The following CSMD1 variants were observed in gnomAD, a reference collection of about 807,000 sequenced individuals.
The protein encoded by CSMD1 is CUB and Sushi multiple domains 1.
In CSMD1, 213 loss-of-function variants were observed where a neutral mutation model predicts 417.5. That is an observed-to-expected ratio of 0.51 (90% CI 0.46 to 0.57). CSMD1 has a LOEUF of 0.57. Among genes scored for constraint, CSMD1 ranks in the 20% least tolerant of loss-of-function variants. The pLI is 0.00. For synonymous variants in CSMD1, 2,862 were observed against 1,736.8 expected (o/e 1.65, Z -16.11); for missense variants, 6,923 against 4,529.7 (o/e 1.53, Z -15.17).
At chr8:4,828,451 A>G (rs78099608) in intron 1 of CSMD1, among the ~76,000 whole-genome samples, 3 of 152,128 alleles carry the variant, frequency 2.0e-5, no homozygotes, top group African/African-American at 7.2e-5. Flanking sequence ...ATCTTCTCTC[A>G]GCCAAATTCA....
intron 11 of CSMD1, among the ~76,000 whole-genome samples, chr8:3,493,006 G>C (rs145806379): frequency 3.9e-5 from 6 of 152,222 alleles, no homozygotes; most frequent in African/African-American, 1.4e-4. Flanking sequence ...TAAAAAAGAG[G>C]TGTTGGCTGG....
At chr8:4,967,663 G>T (rs376472157) in intron 1 of CSMD1, among the ~76,000 whole-genome samples, 1 of 152,134 alleles carries the variant, frequency 6.6e-6, no homozygotes, top group Non-Finnish European at 1.5e-5. Context: ...TGGTTCTAAT[G>T]AGCATGAATC....
chr8:3,403,547 C>T (rs575878900), intron 15 of CSMD1, among the ~76,000 whole-genome samples: 3 of 152,214 alleles, frequency 2.0e-5, no homozygotes, highest in Non-Finnish European at 2.9e-5. Flanking sequence ...TGCCTTTAAC[C>T]TCATCCTGTT....
intron 26 of CSMD1, among the ~76,000 whole-genome samples, chr8:3,247,233 G>A (rs554325123): frequency 3.9e-5 from 6 of 152,304 alleles, no homozygotes; most frequent in African/African-American, 1.4e-4. Context: ...CTTGACAAAT[G>A]TACATTCACA....
At chr8:4,326,458 T>C (rs750600807) in intron 3 of CSMD1, among the ~76,000 whole-genome samples, 2 of 152,104 alleles carry the variant, frequency 1.3e-5, no homozygotes, top group Non-Finnish European at 2.9e-5. Context: ...AAAGAATGCA[T>C]ATATGCTTGA....
intron 3 of CSMD1, among the ~76,000 whole-genome samples, chr8:4,326,652 C>T (rs575875990): frequency 2.6e-5 from 4 of 152,102 alleles, no homozygotes; most frequent in African/African-American, 9.7e-5. Context: ...ATCTACCCAA[C>T]GTTTCCTCAA....
At chr8:4,113,145 T>G (rs896397945) in intron 3 of CSMD1, among the ~76,000 whole-genome samples, 1 of 152,126 alleles carries the variant, frequency 6.6e-6, no homozygotes, top group Admixed American at 6.5e-5. Context: ...GTTCTTTATC[T>G]TACTCTCCCT....
At chr8:3,145,018 C>G (rs773268878) in intron 40 of CSMD1, among the ~76,000 whole-genome samples, 1 of 150,458 alleles carries the variant, frequency 6.6e-6, no homozygotes, top group Admixed American at 6.7e-5. Context: ...AATCTTGTTA[C>G]TAATAAGTAA....
Position 3,000,055 on chromosome 8 carries a change from C to T in CSMD1, c.8106G>A (p.Val2702=), listed in dbSNP as rs547513645. 1 of 1,604,200 alleles carries T rather than the reference C, an allele frequency of 6.2e-7. No homozygotes were observed. The highest frequency in any genetic ancestry group is 1.1e-5 in the South Asian group (1 of 89,910). The change falls in exon 53 of 70, where the codon GTG becomes GTA. Residue 2702 remains valine, a synonymous_variant. Transcript: ENST00000635120. ...SGDGFSYRDT[V]VYQCNPGFRL... is the part of the protein sequence containing the mutation. Reference sequence around the variant, plus strand: ...GGAAACCAGGATTGCACTGGTAAACCACCGTGTCTCTGTAACTGAAGCCAT... The same window carrying T: ...GGAAACCAGGATTGCACTGGTAAACTACCGTGTCTCTGTAACTGAAGCCAT...
intron 20 of CSMD1, among the ~76,000 whole-genome samples, chr8:3,362,055 G>A (rs1306331547): frequency 2.0e-5 from 3 of 151,804 alleles, no homozygotes; most frequent in Non-Finnish European, 4.4e-5. Flanking sequence ...TTTGTTCTTG[G>A]AGTTTATCCT....
intron 3 of CSMD1, among the ~76,000 whole-genome samples, chr8:4,301,803 G>A (rs760295410): frequency 6.6e-6 from 1 of 152,054 alleles, no homozygotes; most frequent in Non-Finnish European, 1.5e-5. Flanking sequence ...TTTTGCCAGG[G>A]GGGTTCATTG....
At chr8:4,348,805 A>G (rs1403703883) in intron 3 of CSMD1, among the ~76,000 whole-genome samples, 1 of 152,180 alleles carries the variant, frequency 6.6e-6, no homozygotes, top group African/African-American at 2.4e-5. Flanking sequence ...TAACCCATTT[A>G]TTCTTCCAAG....
intron 17 of CSMD1, among the ~76,000 whole-genome samples, chr8:3,391,535 G>T (rs779153268): frequency 1.3e-5 from 2 of 152,112 alleles, no homozygotes; most frequent in Non-Finnish European, 2.9e-5. Context: ...CACATTCCTC[G>T]TAAAGAATGG....
chr8:3,563,565 CA>C (rs34573849), intron 10 of CSMD1, among the ~76,000 whole-genome samples: 54,416 of 151,244 alleles, frequency 0.36, 10,070 homozygotes, highest in African/African-American at 0.45. Flanking sequence ...CTCTTACTCA[CA>C]AAAAAACAAA....
At chr8:3,723,900 G>T (rs896386576) in intron 6 of CSMD1, among the ~76,000 whole-genome samples, 28 of 152,152 alleles carry the variant, frequency 1.8e-4, no homozygotes. Context: ...GCAAAAAGTT[G>T]ACTTATATGG....
At chr8:4,855,925 T>C (rs1048239858) in intron 1 of CSMD1, among the ~76,000 whole-genome samples, 2 of 149,484 alleles carry the variant, frequency 1.3e-5, no homozygotes, top group South Asian at 2.2e-4. Flanking sequence ...GCCACAAAGA[T>C]ACTCCTCGAG....
At chr8:3,371,010 C>G (rs1227645808) in intron 18 of CSMD1, among the ~76,000 whole-genome samples, 1 of 151,884 alleles carries the variant, frequency 6.6e-6, no homozygotes, top group Admixed American at 6.6e-5. Flanking sequence ...AAAATTTTAT[C>G]TTTTCTTGAG....
At chr8:4,072,416 C>A (rs1380195296) in intron 3 of CSMD1, among the ~76,000 whole-genome samples, 2 of 152,208 alleles carry the variant, frequency 1.3e-5, no homozygotes, top group African/African-American at 2.4e-5. Context: ...CATTTTACAC[C>A]ATTATATTAT....
chr8:4,166,604 G>C (rs761700591), intron 3 of CSMD1, among the ~76,000 whole-genome samples: 11 of 152,164 alleles, frequency 7.2e-5, no homozygotes, highest in Non-Finnish European at 1.5e-4. Context: ...GGGACTCACG[G>C]TGAACTGTAG....
Sources: gnomAD v4.1 joint callset for allele counts (sites outside exome capture counted in the v4.1 genomes callset) on GRCh38, gnomAD v4.1.1 for gene constraint, MANE v1.5 for transcripts, NCBI Gene and HGNC (gene_info 2026-07-23, HGNC 2026-07-21) for gene names.